Variants in EYA1 observed in about 807,000 individuals in gnomAD.
EYA1 encodes the protein protein phosphatase EYA1.
EYA1 carries 16 observed loss-of-function variants against 82.0 expected under a neutral mutation model. The observed-to-expected ratio is 0.20, with a 90% CI of 0.13 to 0.30. The LOEUF (loss-of-function observed/expected upper bound fraction) is 0.30. EYA1 is among the 10% of genes least tolerant of loss of function. The probability of loss-of-function intolerance (pLI) is 1.00; values close to 1 mark genes in which losing one functional copy is unlikely to be tolerated. For synonymous variants in EYA1, 261 were observed against 264.4 expected (o/e 0.99, Z 0.12); for missense variants, 633 against 730.7 (o/e 0.87, Z 1.54).
chr8:71,535,640 C>G (rs1814654933), intron 2 of EYA1: 7 of 813,498 alleles, frequency 8.6e-6, no homozygotes, highest in Admixed American at 2.5e-5. Flanking sequence ...TACATTGGTA[C>G]AGAGCTTTTG....
intron 2 of EYA1, among the ~76,000 whole-genome samples, chr8:71,464,516 C>T (rs150294371): frequency 3.9e-5 from 6 of 152,282 alleles, no homozygotes; most frequent in East Asian, 1.9e-4. Context: ...GGCAATGCAA[C>T]GGGCCTAGTT....
intron 2 of EYA1, among the ~76,000 whole-genome samples, chr8:71,395,445 T>C (rs1829540379): frequency 6.6e-6 from 1 of 152,218 alleles, no homozygotes; most frequent in African/African-American, 2.4e-5. Flanking sequence ...AGATAGCTCT[T>C]ATTATTTTGA....
At chr8:71,490,000 A>G (rs1563667331) in intron 2 of EYA1, among the ~76,000 whole-genome samples, 1 of 152,174 alleles carries the variant, frequency 6.6e-6, no homozygotes, top group Non-Finnish European at 1.5e-5. Context: ...GTCCAGGGCC[A>G]AGTGTGATCT....
At chr8:71,294,097 G>A (rs887400045) in intron 9 of EYA1, among the ~76,000 whole-genome samples, 1 of 151,858 alleles carries the variant, frequency 6.6e-6, no homozygotes, top group East Asian at 1.9e-4. Context: ...AAGGTTGCAG[G>A]ATATAACATA....
At chr8:71,392,171 C>A (rs182178493) in intron 2 of EYA1, among the ~76,000 whole-genome samples, 8 of 152,168 alleles carry the variant, frequency 5.3e-5, no homozygotes, top group Non-Finnish European at 1.0e-4. Flanking sequence ...GTGGAGGGAA[C>A]CTTCTGCTCC....
intron 2 of EYA1, among the ~76,000 whole-genome samples, chr8:71,461,615 T>C (rs2129190131): frequency 6.6e-6 from 1 of 152,274 alleles, no homozygotes; most frequent in Non-Finnish European, 1.5e-5. Context: ...GGAAGGGGCA[T>C]GTTTCAGCCC....
At position 71,198,995 on chromosome 8, in the gene EYA1, G is replaced by A; in HGVS notation, c.*345C>T. 2.9e-6 allele frequency: 1 copy of A among 343,628 alleles called. No individual in the cohort carries two copies. Among genetic ancestry groups the A allele is most frequent in the Non-Finnish European group, 5.6e-6 (1 of 177,454 alleles). The allele number at this position is 343,628 out of a possible 1,614,324, so 21.3% of individuals were successfully genotyped here. On this transcript the variant is annotated 3_prime_UTR_variant, in exon 18 of 18. Transcript: ENST00000340726. ...GTGCAATTAGGTTTGCTGTATTGGA[G>A]AAGCTGTTTATATCACATTGAAAAT... is the stretch of plus-strand genomic sequence containing the variant.
intron 2 of EYA1, among the ~76,000 whole-genome samples, chr8:71,472,237 A>G (rs1809263112): frequency 6.6e-6 from 1 of 152,160 alleles, no homozygotes; most frequent in African/African-American, 2.4e-5. Flanking sequence ...AACACTGCCT[A>G]CTTCTAGCCA....
chr8:71,230,449 ACT>A (rs975369358), intron 12 of EYA1, among the ~76,000 whole-genome samples: 3 of 152,174 alleles, frequency 2.0e-5, no homozygotes, highest in Non-Finnish European at 4.4e-5. Flanking sequence ...AAAGGAAGAC[ACT>A]CTGTTATTCG....
At chr8:71,412,779 G>T (rs1000183211) in intron 2 of EYA1, among the ~76,000 whole-genome samples, 4 of 152,138 alleles carry the variant, frequency 2.6e-5, no homozygotes, top group Non-Finnish European at 4.4e-5. Flanking sequence ...AACATCAAGG[G>T]CATCTTTTCG....
In EYA1 at chr8:71,356,488, T is replaced by C. The variant is rs1365632516; in HGVS notation, c.-31A>G. 3 of 1,582,198 alleles carry C rather than the reference T, an allele frequency of 1.9e-6. No homozygotes were observed. Among genetic ancestry groups the C allele is most frequent in the Non-Finnish European group, 2.6e-6 (3 of 1,163,060 alleles). On this transcript the variant is annotated 5_prime_UTR_variant, in exon 2 of 18. Transcript: ENST00000340726. ...TGCAACTTGAGGAAACAGCAACATC[T>C]GAACTGGCTTGAGATGTTTGCACCT...
intron 3 of EYA1, among the ~76,000 whole-genome samples, chr8:71,347,516 G>T (rs1056813879): frequency 6.6e-6 from 1 of 151,996 alleles, no homozygotes; most frequent in African/African-American, 2.4e-5. Context: ...TAGAGACGGG[G>T]TTTCACCTTG....
At chr8:71,484,620 C>T (rs1810422236) in intron 2 of EYA1, among the ~76,000 whole-genome samples, 1 of 152,226 alleles carries the variant, frequency 6.6e-6, no homozygotes, top group Non-Finnish European at 1.5e-5. Context: ...CTACCCCTGG[C>T]TGAGCCCTCA....
In EYA1 at chr8:71,317,700, T is replaced by A. The variant is rs759946649; in HGVS notation, c.419-11A>T. 2 of 1,613,670 alleles carry A rather than the reference T, an allele frequency of 1.2e-6. No individual in the cohort carries two copies. The highest frequency in any genetic ancestry group is 3.3e-5 in the Admixed American group (2 of 60,012). On this transcript the variant is annotated splice_polypyrimidine_tract_variant and intron_variant, in intron 6 of 17. Coordinates refer to ENST00000340726, the MANE Select transcript of EYA1 (RefSeq NM_000503.6). Reference sequence around the variant, plus strand: ...CTGCCCACAATGCACCTAAATCAGTTAGTGATAGCTTATCTATCTGTCCAT... The same window carrying A: ...CTGCCCACAATGCACCTAAATCAGTAAGTGATAGCTTATCTATCTGTCCAT...
chr8:71,232,290 C>G (rs971446072), intron 12 of EYA1, among the ~76,000 whole-genome samples: 13 of 152,248 alleles, frequency 8.5e-5, no homozygotes, highest in African/African-American at 2.9e-4. Context: ...GCAGCCTGCA[C>G]TGTCAGTCCA....
At chr8:71,346,787 A>G (rs1296639932) in intron 3 of EYA1, among the ~76,000 whole-genome samples, 2 of 152,174 alleles carry the variant, frequency 1.3e-5, no homozygotes, top group African/African-American at 4.8e-5. Flanking sequence ...GAAATGATCA[A>G]TTTCAAAAAT....
In EYA1 at chr8:71,304,204, C is replaced by T. The variant is rs538328475; in HGVS notation, c.557-4484G>A. Among the ~76,000 whole-genome samples the T allele has an allele frequency of 2.0e-4, 28 of 142,128 alleles. 4 individuals are homozygous for T. The highest frequency in any genetic ancestry group is 7.0e-4 in the African/African-American group (28 of 40,276). The allele number at this position is 142,128 out of a possible 152,430, so 93.2% of individuals were successfully genotyped here. A position where few individuals can be genotyped will look rare whatever the true frequency, so the allele number is the denominator to read the frequency against. ...TTTTTGAGTGCTTACATTGAGCCAG[C>T]CCAAATAAAGCATTTTGCCTATTAG... is the stretch of plus-strand genomic sequence containing the variant. On this transcript the variant is annotated intron_variant, in intron 7 of 17. Transcript: ENST00000340726.
chr8:71,408,225 C>T (rs907107850), intron 2 of EYA1, among the ~76,000 whole-genome samples: 2 of 151,862 alleles, frequency 1.3e-5, no homozygotes, highest in Admixed American at 1.3e-4. Context: ...GAAGGAAGCG[C>T]TAAACATGGA....
intron 7 of EYA1, among the ~76,000 whole-genome samples, chr8:71,310,819 T>C (rs1821257491): frequency 6.6e-6 from 1 of 152,082 alleles, no homozygotes; most frequent in South Asian, 2.1e-4. Context: ...CATTGTGACA[T>C]AGACCTCTCC....
Sources: allele counts gnomAD v4.1 joint callset (sites outside exome capture counted in the v4.1 genomes callset), GRCh38; gene constraint gnomAD v4.1.1; transcripts MANE v1.5; gene names NCBI Gene and HGNC (gene_info 2026-07-23, HGNC 2026-07-21).